The following RERE variants were observed in gnomAD, a reference collection of about 807,000 sequenced individuals.
RERE encodes the protein arginine-glutamic acid dipeptide repeats protein.
A neutral mutation model predicts 146.1 loss-of-function variants in RERE; 40 were observed. The ratio of observed to expected loss-of-function variants is 0.27; its 90% confidence interval spans 0.21 to 0.36. The LOEUF (loss-of-function observed/expected upper bound fraction) is 0.36. Ranked by LOEUF, RERE falls within the 10% of genes least tolerant of loss-of-function variation. The pLI, the probability that RERE is intolerant of heterozygous loss-of-function variation, is 1.00. For missense variants in RERE, 1,933 were observed against 2,138.7 expected (o/e 0.90, Z 1.90); for synonymous variants, 1,003 against 866.0 (o/e 1.16, Z -2.78).
chr1:8,611,025 T>G (rs921621290), intron 4 of RERE, among the ~76,000 whole-genome samples: 2 of 151,774 alleles, frequency 1.3e-5, no homozygotes, highest in African/African-American at 4.8e-5. Context: ...AAACCCCATC[T>G]CTACTAAAAA....
intron 2 of RERE, among the ~76,000 whole-genome samples, chr1:8,634,577 A>T (rs1423216765): frequency 2.6e-5 from 4 of 152,156 alleles, no homozygotes; most frequent in Admixed American, 2.6e-4. Flanking sequence ...AGTTTATATA[A>T]ACTTGAAAGG....
intron 1 of RERE, among the ~76,000 whole-genome samples, chr1:8,777,444 A>G (rs1338735276): frequency 6.6e-6 from 1 of 152,206 alleles, no homozygotes; most frequent in East Asian, 1.9e-4. Flanking sequence ...AAAATAGGAA[A>G]ACAGAAGAGA....
chr1:8,806,850 T>C (rs994525387), intron 1 of RERE: 1 of 152,228 alleles, frequency 6.6e-6, no homozygotes, highest in African/African-American at 2.4e-5. Context: ...ACAATGTGAC[T>C]AGACTTCAGC....
At chr1:8,519,038 C>A (rs998858052) in intron 7 of RERE, among the ~76,000 whole-genome samples, 1 of 152,134 alleles carries the variant, frequency 6.6e-6, no homozygotes, top group African/African-American at 2.4e-5. Context: ...TGTTCAAAAG[C>A]AGGGAAAGAG....
At chr1:8,485,796 CTT>C (rs58295004) in intron 10 of RERE, among the ~76,000 whole-genome samples, 72,453 of 118,002 alleles carry the variant, frequency 0.61, 21,387 homozygotes, top group East Asian at 0.78. Flanking sequence ...TCTACAATCA[CTT>C]TTTTTTTTTT....
intron 1 of RERE, among the ~76,000 whole-genome samples, chr1:8,763,998 T>C (rs1230810758): frequency 6.6e-6 from 1 of 151,662 alleles, no homozygotes; most frequent in African/African-American, 2.4e-5. Context: ...AGTTGACTGT[T>C]ATTTATTCTC....
chr1:8,570,330 C>A (rs1230292904), intron 4 of RERE, among the ~76,000 whole-genome samples: 6 of 151,418 alleles, frequency 4.0e-5, no homozygotes, highest in African/African-American at 9.7e-5. Context: ...GACTCCATCT[C>A]AAAAAATAAT....
chr1:8,803,677 C>CT (rs1165984076), intron 1 of RERE, among the ~76,000 whole-genome samples: 71 of 151,976 alleles, frequency 4.7e-4, no homozygotes, highest in African/African-American at 1.7e-3. Flanking sequence ...ATTCTCCCCC[C>CT]TCAGCATCGC....
intron 4 of RERE, among the ~76,000 whole-genome samples, chr1:8,558,377 A>G (rs1210539829): frequency 1.3e-5 from 2 of 152,170 alleles, no homozygotes; most frequent in African/African-American, 4.8e-5. Context: ...GAAATAGCTC[A>G]ACAGGGAGTG....
intron 1 of RERE, among the ~76,000 whole-genome samples, chr1:8,761,004 G>A (rs1640746869): frequency 1.3e-5 from 2 of 152,088 alleles, no homozygotes; most frequent in South Asian, 2.1e-4. Flanking sequence ...GCACAAAGAC[G>A]TTCCATAACT....
intron 10 of RERE, among the ~76,000 whole-genome samples, chr1:8,467,950 T>G (rs1346219287): frequency 2.0e-5 from 3 of 152,220 alleles, no homozygotes; most frequent in African/African-American, 2.4e-5. Context: ...GGCCCAAACA[T>G]CCATTTTCAA....
chr1:8,382,157 T>C (rs1003422779), intron 12 of RERE, among the ~76,000 whole-genome samples: 2 of 152,226 alleles, frequency 1.3e-5, no homozygotes, highest in Middle Eastern at 3.2e-3. Flanking sequence ...TGCAGGCAGA[T>C]AGCAAGAGGC....
At chr1:8,502,452 C>T (rs1232070183) in intron 8 of RERE, among the ~76,000 whole-genome samples, 280 of 122,644 alleles carry the variant, frequency 2.3e-3, no homozygotes, top group Non-Finnish European at 3.6e-3. Flanking sequence ...CCGCCCCGTC[C>T]GGGAGGGTGG....
chr1:8,712,095 A>C (rs758797743), intron 1 of RERE, among the ~76,000 whole-genome samples: 1 of 152,240 alleles, frequency 6.6e-6, no homozygotes, highest in Non-Finnish European at 1.5e-5. Context: ...AAATGCCAGA[A>C]GACTCCAGTT....
chr1:8,412,753 G>A (rs539709676), intron 12 of RERE, among the ~76,000 whole-genome samples: 63 of 152,346 alleles, frequency 4.1e-4, no homozygotes, highest in South Asian at 2.3e-3. Flanking sequence ...GGACCAGTGT[G>A]GCAGAGTGAA....
intron 1 of RERE, among the ~76,000 whole-genome samples, chr1:8,672,165 G>T (rs1411427980): frequency 6.6e-6 from 1 of 152,028 alleles, no homozygotes; most frequent in African/African-American, 2.4e-5. Flanking sequence ...ATCTCACTCC[G>T]GAAATATATT....
intron 1 of RERE, among the ~76,000 whole-genome samples, chr1:8,802,905 G>A (rs1025303537): frequency 5.3e-5 from 8 of 152,068 alleles, no homozygotes; most frequent in African/African-American, 1.4e-4. Context: ...AGAAAAGTAC[G>A]AAAGGTAAGA....
rs985140466 is a variant in RERE at position 8,809,157 on chromosome 1, A to AAAAAAAAAAAAAAAAAT, written c.-145+8002_-145+8003insATTTTTTTTTTTTTTTT. Among the ~76,000 whole-genome samples, 4 of 146,122 alleles carry AAAAAAAAAAAAAAAAAT rather than the reference A, an allele frequency of 2.7e-5. 1 individual carries two copies. Among genetic ancestry groups the AAAAAAAAAAAAAAAAAT allele is most frequent in the African/African-American group, 1.1e-4 (4 of 36,348 alleles). On this transcript the variant is annotated intron_variant, in intron 1 of 22. Coordinates refer to ENST00000400908, the MANE Select transcript of RERE (RefSeq NM_001042681.2). ...TGTCTTAAAAAAAAAAAAAAAAAAAAAAAGTACTGAGGGAGAGGTTAATGG... is the reference window on the plus strand; with the variant it reads ...TGTCTTAAAAAAAAAAAAAAAAAAAAAAAAAAAAAAAAAAAATAAAGTACTGAGGGAGAGGTTAATGG...
intron 1 of RERE, among the ~76,000 whole-genome samples, chr1:8,683,163 A>T (rs1048466216): frequency 1.5e-4 from 23 of 152,302 alleles, no homozygotes; most frequent in Admixed American, 1.5e-3. Flanking sequence ...TGAAGAATTA[A>T]TAACATCAAA....
Sources: gnomAD v4.1 joint callset for allele counts (sites outside exome capture counted in the v4.1 genomes callset) on GRCh38, gnomAD v4.1.1 for gene constraint, MANE v1.5 for transcripts, NCBI Gene and HGNC (gene_info 2026-07-23, HGNC 2026-07-21) for gene names.